Variants in PCDHA8 observed in about 807,000 individuals in gnomAD.
PCDHA8 encodes the protein protocadherin alpha 8.
A neutral mutation model predicts 61.8 loss-of-function variants in PCDHA8; 53 were observed. The ratio of observed to expected loss-of-function variants is 0.86; its 90% CI spans 0.69 to 1.08. PCDHA8 has a LOEUF of 1.08. PCDHA8 is among the 50% of genes least tolerant of loss of function. PCDHA8 has a pLI of 0.00. For missense variants in PCDHA8, 1,293 were observed against 1,245.0 expected, an observed-to-expected ratio of 1.04 and a Z score of -0.58; for synonymous variants, 618 against 556.6, an observed-to-expected ratio of 1.11 and a Z score of -1.55.
intron 1 of PCDHA8, chr5:140,857,828 C>G (rs781917564): frequency 6.3e-7 from 1 of 1,597,660 alleles, no homozygotes; most frequent in South Asian, 1.1e-5. Flanking sequence ...GGCTAAGGTG[C>G]GCGCAGTGGA....
intron 1 of PCDHA8, chr5:140,867,406 C>G (rs1394985393): frequency 6.6e-6 from 1 of 151,958 alleles, no homozygotes; most frequent in East Asian, 1.9e-4. Context: ...GATATGTCTC[C>G]TTTAATTTTT....
chr5:140,963,829 A>G (rs1460358277), intron 1 of PCDHA8, among the ~76,000 whole-genome samples: 1 of 152,180 alleles, frequency 6.6e-6, no homozygotes, highest in African/African-American at 2.4e-5. Context: ...CTTTACATAC[A>G]TTTTCTCATG....
At chr5:140,987,592 G>T (rs150671243) in intron 3 of PCDHA8, among the ~76,000 whole-genome samples, 2 of 152,172 alleles carry the variant, frequency 1.3e-5, no homozygotes, top group African/African-American at 4.8e-5. Flanking sequence ...GAGAATAGTG[G>T]TGTCTACCTT....
In PCDHA8 at chr5:140,841,240, A is replaced by C; in HGVS notation, c.-82A>C. ...GGCCGAACAACGGGAGATGCAGCGG[A>C]ATTGGATTAAAAGACTCTGAAAGTA... On this transcript the variant is annotated 5_prime_UTR_variant, in exon 1 of 4. Coordinates refer to ENST00000531613, the MANE Select transcript of PCDHA8 (RefSeq NM_018911.3). 1 of 1,487,570 alleles carries C rather than the reference A, an allele frequency of 6.7e-7. No homozygotes were observed. The highest frequency in any genetic ancestry group is 1.4e-5 in the South Asian group (1 of 73,436). The allele number at this position is 1,487,570 out of a possible 1,614,324, so 92.1% of individuals were successfully genotyped here.
chr5:140,904,150 C>A (rs1005130566), intron 1 of PCDHA8, among the ~76,000 whole-genome samples: 1 of 152,036 alleles, frequency 6.6e-6, no homozygotes, highest in African/African-American at 2.4e-5. Flanking sequence ...GTATACATTG[C>A]ACCCAGTTTG....
At chr5:140,886,759 G>A (rs541111444) in intron 1 of PCDHA8, among the ~76,000 whole-genome samples, 221 of 150,566 alleles carry the variant, frequency 1.5e-3, no homozygotes, top group Non-Finnish European at 2.7e-3. Flanking sequence ...CCGGGAGGTG[G>A]AGGTTGCAGT....
rs201793837 is a variant in PCDHA8 at position 141,003,710 on chromosome 5, A to G, written c.2543-5917A>G. Among the ~76,000 whole-genome samples, 7 of 152,316 alleles carry G rather than the reference A, an allele frequency of 4.6e-5. No homozygotes were observed. The East Asian group carries it at 1.2e-3, about 25-fold the overall frequency. On this transcript the variant is annotated intron_variant, in intron 3 of 3. Transcript: ENST00000531613. ...AAATATATCCCTACCAATTGTGAAG[A>G]TATCGGCTAATCCAATAAAAAAGCA... is the stretch of plus-strand genomic sequence containing the variant.
intron 1 of PCDHA8, among the ~76,000 whole-genome samples, chr5:140,908,375 G>C (rs922545563): frequency 6.6e-6 from 1 of 152,174 alleles, no homozygotes; most frequent in Non-Finnish European, 1.5e-5. Context: ...TTCAGGACCT[G>C]CTCGAGCCCG....
At chr5:140,959,676 A>G (rs2095505288) in intron 1 of PCDHA8, among the ~76,000 whole-genome samples, 1 of 152,246 alleles carries the variant, frequency 6.6e-6, no homozygotes, top group Non-Finnish European at 1.5e-5. Flanking sequence ...AATCATTTCT[A>G]AATAATTTCA....
intron 1 of PCDHA8, chr5:140,926,540 T>G: frequency 4.6e-6 from 1 of 215,362 alleles, no homozygotes; most frequent in Non-Finnish European, 9.1e-6. Context: ...GCCAGCGTGG[T>G]GGTCGAGACC....
chr5:140,869,506 C>G (rs782699561), intron 1 of PCDHA8: 20 of 1,614,178 alleles, frequency 1.2e-5, no homozygotes, highest in Admixed American at 6.7e-5. Context: ...GGTGTTCTCG[C>G]TCAGAGAACA....
Position 140,841,588 on chromosome 5 carries a change from G to A in PCDHA8, c.267G>A (p.Arg89=), listed in dbSNP as rs2150318650. Reference sequence around the variant, plus strand: ...ATGGCATTTTGTTTGTGAATTCTCGGATCGACCGCGAGGAGCTGTGCGGGC... The same window carrying A: ...ATGGCATTTTGTTTGTGAATTCTCGAATCGACCGCGAGGAGCTGTGCGGGC... ...LQNGILFVNS[R]IDREELCGRS... The change falls in exon 1 of 4, where the codon CGG becomes CGA. Residue 89 remains arginine, a synonymous_variant. Coordinates refer to ENST00000531613, the MANE Select transcript of PCDHA8 (RefSeq NM_018911.3). The A allele has an allele frequency of 1.2e-6, 2 of 1,614,070 alleles. No individual in the cohort carries two copies. Among genetic ancestry groups the A allele is most frequent in the South Asian group, 2.2e-5 (2 of 91,078 alleles).
chr5:140,920,002 A>G (rs1260973070), intron 1 of PCDHA8, among the ~76,000 whole-genome samples: 1 of 152,230 alleles, frequency 6.6e-6, no homozygotes, highest in Non-Finnish European at 1.5e-5. Flanking sequence ...CACAGAGGAA[A>G]AGGCCATGCG....
intron 1 of PCDHA8, chr5:140,878,023 T>C (rs1162658024): frequency 2.6e-6 from 2 of 762,594 alleles, no homozygotes; most frequent in Non-Finnish European, 3.8e-6. Context: ...GAAGGAAATA[T>C]GTAGGTACAA....
intron 3 of PCDHA8, among the ~76,000 whole-genome samples, chr5:141,004,019 A>G (rs2098147783): frequency 6.6e-6 from 1 of 152,244 alleles, no homozygotes; most frequent in South Asian, 2.1e-4. Flanking sequence ...CACTGAAAGA[A>G]GAAACATTTC....
chr5:140,967,555 C>T, intron 1 of PCDHA8: 4 of 1,614,008 alleles, frequency 2.5e-6, no homozygotes, highest in Non-Finnish European at 3.4e-6. Flanking sequence ...CCACTTATCG[C>T]GTCCAGCTAC....
intron 1 of PCDHA8, chr5:140,853,842 C>G: frequency 1.0e-6 from 1 of 986,448 alleles, no homozygotes; most frequent in Non-Finnish European, 1.2e-6. Flanking sequence ...AATTTTAGAT[C>G]CATAGCCCTA....
intron 1 of PCDHA8, chr5:140,857,853 A>G (rs782574851): frequency 1.3e-6 from 2 of 1,597,574 alleles, no homozygotes; most frequent in East Asian, 2.2e-5. Flanking sequence ...GACTCTGGAT[A>G]CAACGCGTGG....
chr5:140,853,671 A>G (rs1314444035), intron 1 of PCDHA8: 5 of 988,246 alleles, frequency 5.1e-6, no homozygotes, highest in East Asian at 1.1e-4. Flanking sequence ...ATTGGGGCCT[A>G]TGGTCAACCT....
Sources: allele counts gnomAD v4.1 joint callset (sites outside exome capture counted in the v4.1 genomes callset), GRCh38; gene constraint gnomAD v4.1.1; transcripts MANE v1.5; gene names NCBI Gene and HGNC (gene_info 2026-07-23, HGNC 2026-07-21).